Variants in SEC16A observed in about 807,000 individuals in gnomAD.
SEC16A encodes the protein protein transport protein Sec16A.
A neutral mutation model predicts 221.9 loss-of-function variants in SEC16A; 110 were observed. The ratio of observed to expected loss-of-function variants is 0.50; its 90% CI spans 0.42 to 0.58. SEC16A has a LOEUF of 0.58. Ranked by LOEUF, SEC16A falls within the 20% of genes least tolerant of loss-of-function variation. The pLI is 0.00. For missense variants in SEC16A, 3,165 were observed against 3,097.8 expected (o/e 1.02, Z -0.52); for synonymous variants, 1,393 against 1,257.7 (o/e 1.11, Z -2.28).
chr9:136,450,553 C>G (rs557099861), intron 23 of SEC16A, among the ~76,000 whole-genome samples: 2 of 152,068 alleles, frequency 1.3e-5, no homozygotes, highest in African/African-American at 4.8e-5. Flanking sequence ...AACAGGGACA[C>G]GAGAAGGTGC....
Position 136,457,538 on chromosome 9 carries a change from G to A in SEC16A, c.5456C>T (p.Ala1819Val), listed in dbSNP as rs1043213681. 15 of 1,610,760 alleles carry A rather than the reference G, an allele frequency of 9.3e-6. No individual in the cohort carries two copies. In the East Asian group the frequency reaches 3.1e-4, roughly 34 times the overall value. ...YSCRLAEMGL[A>V]TQAFHYCEAI... ...CTCACAGTAGTGGAAGGCTTGCGTG[G>A]CCAGCCCCATTTCCGCCAGGCGGCA... The change falls in exon 18 of 32, where the codon GCC becomes GTC. Residue 1819 changes from alanine (A) to valine (V), a missense_variant. By Grantham distance (64) the Ala-to-Val change is moderately conservative. Coordinates refer to ENST00000684901, the MANE Select transcript of SEC16A (RefSeq NM_014866.2).
In SEC16A at chr9:136,475,024, C is replaced by A. The variant is rs1189610671; in HGVS notation, c.2592G>T (p.Val864=). Residue 864 remains valine, a synonymous_variant, in exon 3 of 32, where the codon GTG becomes GTT. Coordinates refer to ENST00000684901, the MANE Select transcript of SEC16A (RefSeq NM_014866.2). The surrounding 1 kb of genome is among the most constrained non-coding windows in gnomAD (Gnocchi z 5.0). Reference sequence around the variant, plus strand: ...AACTGCTGACTGCAGGTCTATCCCCCACCAAAGCCTCTCTCCAGGACTGAT... The same window carrying A: ...AACTGCTGACTGCAGGTCTATCCCCAACCAAAGCCTCTCTCCAGGACTGAT... The part of the protein sequence containing the change: ...EKNQSWREAL[V]GDRPAVSSWA... 1.9e-6 allele frequency: 3 copies of A among 1,613,766 alleles called. No homozygotes were observed. Among genetic ancestry groups the A allele is most frequent in the Non-Finnish European group, 2.5e-6 (3 of 1,179,862 alleles).
In SEC16A at chr9:136,466,074, G is replaced by T. The variant is rs1237027022; in HGVS notation, c.4191C>A (p.Gly1397=). ...CGTAGGCAAAATCGCCGTGAAAGGA[G>T]CCTGGAGGAAGCGGGGCCTCGTAGG... ...AGSYEAPLPP[G]SFHGDFAYGT... is the part of the protein sequence containing the mutation. Residue 1397 remains glycine, a synonymous_variant, in exon 8 of 32, where the codon GGC becomes GGA. Transcript: ENST00000684901. The surrounding 1 kb of genome is among the most constrained non-coding windows in gnomAD (Gnocchi z 5.5). The T allele has an allele frequency of 6.2e-7, 1 of 1,612,668 alleles. No homozygotes were observed. The highest frequency in any genetic ancestry group is 1.3e-5 in the African/African-American group (1 of 74,946).
Position 136,475,562 on chromosome 9 carries a change from G to A in SEC16A, c.2054C>T (p.Ala685Val), listed in dbSNP as rs759097486. Residue 685 changes from alanine to valine, a missense_variant, in exon 3 of 32, where the codon GCT (alanine) becomes GTT (valine). Ala to Val is a moderately conservative substitution (Grantham distance 64). Coordinates refer to ENST00000684901, the MANE Select transcript of SEC16A (RefSeq NM_014866.2). This position sits in a 1 kb window ranked among gnomAD's most constrained non-coding sequence, Gnocchi z 5.0. ...CPLPLNSTTEAVHMLPHAGAP... is the reference protein window; with the variant it reads ...CPLPLNSTTEVVHMLPHAGAP... Reference sequence around the variant, plus strand: ...CCCTGCGTGCGGAAGCATGTGCACAGCTTCCGTGGTGGAGTTAAGAGGCAG... The same window carrying A: ...CCCTGCGTGCGGAAGCATGTGCACAACTTCCGTGGTGGAGTTAAGAGGCAG... 1.2e-6 allele frequency: 2 copies of A among 1,613,504 alleles called. No homozygotes were observed. Among genetic ancestry groups the A allele is most frequent in the Admixed American group, 3.3e-5 (2 of 59,952 alleles).
At chr9:136,458,302 C>T (rs1838988951) in intron 17 of SEC16A, among the ~76,000 whole-genome samples, 1 of 152,098 alleles carries the variant, frequency 6.6e-6, no homozygotes, top group African/African-American at 2.4e-5. Context: ...CACCCCCACA[C>T]TGCATCAGAG....
chr9:136,444,306 G>T (rs1836640345), intron 30 of SEC16A, among the ~76,000 whole-genome samples: 1 of 152,150 alleles, frequency 6.6e-6, no homozygotes, highest in African/African-American at 2.4e-5. Context: ...CTGGTGCCTG[G>T]ACAGGCAGAA....
intron 20 of SEC16A, 104 bp from the exon 21 acceptor site, chr9:136,454,431 C>T: frequency 1.9e-6 from 2 of 1,080,380 alleles, no homozygotes; most frequent in South Asian, 1.4e-5. Context: ...TTTTGTACAG[C>T]CCCATTTCTT....
At chr9:136,465,935 T>TG in intron 8 of SEC16A, 27 bp downstream of exon 8, 1 of 1,596,896 alleles carries the variant, frequency 6.3e-7, no homozygotes. Flanking sequence ...GGTTAGCCGG[T>TG]ATCCCTCTGT....
chr9:136,479,617 G>T (rs909091772), intron 1 of SEC16A, among the ~76,000 whole-genome samples: 1 of 152,170 alleles, frequency 6.6e-6, no homozygotes, highest in African/African-American at 2.4e-5. Context: ...CTCCCAAAGT[G>T]CTGGGATTAC....
chr9:136,455,528 G>A, intron 20 of SEC16A, 73 bp downstream of exon 20: 1 of 1,378,814 alleles, frequency 7.3e-7, no homozygotes, highest in East Asian at 2.5e-5. Flanking sequence ...CAGGAGGCAA[G>A]GGTGCAGGCC....
Sources: allele counts gnomAD v4.1 joint callset (sites outside exome capture counted in the v4.1 genomes callset), GRCh38; gene constraint gnomAD v4.1.1; non-coding constraint Gnocchi (gnomAD v3.1); transcripts MANE v1.5; gene names NCBI Gene and HGNC (gene_info 2026-07-23, HGNC 2026-07-21).